The following DNER variants were observed in gnomAD, a reference collection of about 807,000 sequenced individuals.
DNER encodes the protein delta/notch like EGF repeat containing.
DNER carries 33 observed loss-of-function variants against 78.2 expected under a neutral mutation model. The observed-to-expected ratio is 0.42, with a 90% CI of 0.32 to 0.56. DNER has a LOEUF of 0.56. Among genes scored for constraint, DNER ranks in the 20% least tolerant of loss-of-function variants. DNER has a pLI of 0.11. For missense variants in DNER, 918 were observed against 975.3 expected (o/e 0.94, Z 0.78); for synonymous variants, 417 against 384.8 (o/e 1.08, Z -0.98).
At chr2:229,655,788 G>A (rs1345487489) in intron 1 of DNER, among the ~76,000 whole-genome samples, 1 of 152,016 alleles carries the variant, frequency 6.6e-6, no homozygotes, top group Non-Finnish European at 1.5e-5. Context: ...TAAATGCAAT[G>A]GCAAGTCCTA....
At chr2:229,705,945 G>C (rs1324897039) in intron 1 of DNER, among the ~76,000 whole-genome samples, 1 of 152,250 alleles carries the variant, frequency 6.6e-6, no homozygotes, top group East Asian at 1.9e-4. Flanking sequence ...CTCTAACTAT[G>C]GTGTCCAGAC....
At chr2:229,546,770 G>T (rs1384436423) in intron 5 of DNER, among the ~76,000 whole-genome samples, 177 bp downstream of exon 5, 1 of 150,460 alleles carries the variant, frequency 6.6e-6, no homozygotes, top group Non-Finnish European at 1.5e-5. Flanking sequence ...AACTTGGCTT[G>T]AGACAGACAG....
At chr2:229,431,493 A>G (rs1163296498) in intron 8 of DNER, among the ~76,000 whole-genome samples, 1 of 151,498 alleles carries the variant, frequency 6.6e-6, no homozygotes, top group African/African-American at 2.4e-5. Flanking sequence ...TCTCTTCACA[A>G]TGTTTTAGCT....
chr2:229,692,394 A>T (rs1699594069), intron 1 of DNER, among the ~76,000 whole-genome samples: 1 of 152,220 alleles, frequency 6.6e-6, no homozygotes, highest in Admixed American at 6.5e-5. Context: ...TGGTTTATTC[A>T]TACTCACTCA....
intron 1 of DNER, among the ~76,000 whole-genome samples, chr2:229,684,161 A>AGTGT (rs1559208329): frequency 4.4e-5 from 6 of 135,346 alleles, no homozygotes; most frequent in South Asian, 2.6e-4. Context: ...AGAGAGAGAG[A>AGTGT]GAGAGAGAGT....
At chr2:229,403,142 CAG>C (rs1693304276) in intron 10 of DNER, among the ~76,000 whole-genome samples, 1 of 152,188 alleles carries the variant, frequency 6.6e-6, no homozygotes, top group African/African-American at 2.4e-5. Context: ...CTCGGTCAAG[CAG>C]AGAGTTTTTG....
chr2:229,671,845 G>T (rs1215788809), intron 1 of DNER, among the ~76,000 whole-genome samples: 2 of 152,206 alleles, frequency 1.3e-5, no homozygotes. Context: ...TCATGGAGCT[G>T]TGAGAATTCA....
chr2:229,408,171 G>A (rs1011517666), intron 9 of DNER, among the ~76,000 whole-genome samples: 3 of 151,964 alleles, frequency 2.0e-5, no homozygotes, highest in African/African-American at 7.3e-5. Context: ...AAAAGACTGT[G>A]TGTGCATGTA....
At chr2:229,563,929 C>T (rs1236030753) in intron 4 of DNER, among the ~76,000 whole-genome samples, 30 of 147,084 alleles carry the variant, frequency 2.0e-4, no homozygotes, top group Non-Finnish European at 4.2e-4. Context: ...ACCCCATCAC[C>T]ATTATCATCA....
chr2:229,644,785 T>C (rs540205268), intron 1 of DNER, among the ~76,000 whole-genome samples: 1 of 152,256 alleles, frequency 6.6e-6, no homozygotes, highest in African/African-American at 2.4e-5. Flanking sequence ...TACAGAGATG[T>C]TTATGCTGAA....
At chr2:229,412,265 C>T (rs946273765) in intron 9 of DNER, among the ~76,000 whole-genome samples, 1 of 152,200 alleles carries the variant, frequency 6.6e-6, no homozygotes, top group Non-Finnish European at 1.5e-5. Context: ...ATGAATTTTG[C>T]TTTCTAACAA....
At chr2:229,646,951 A>G (rs968249178) in intron 1 of DNER, among the ~76,000 whole-genome samples, 1 of 152,204 alleles carries the variant, frequency 6.6e-6, no homozygotes, top group African/African-American at 2.4e-5. Flanking sequence ...GGTGGATCAC[A>G]AGGTCAAGAG....
In DNER at chr2:229,485,943, G is replaced by T. The variant is rs573769123; in HGVS notation, c.1148-8690C>A. The stretch of plus-strand genomic sequence containing the variant: ...ACGAGAGCTATTTTTAACGCTCCTG[G>T]TCTTTTAATAGTCTGGCCTGTGCAG... On this transcript the variant is annotated intron_variant, in intron 6 of 12. Transcript: ENST00000341772. Among the ~76,000 whole-genome samples the T allele has an allele frequency of 5.3e-5, 8 of 152,264 alleles. No individual in the cohort carries two copies. In the South Asian group the frequency reaches 6.2e-4, roughly 12 times the overall value.
At chr2:229,546,754 T>C (rs1367192235) in intron 5 of DNER, among the ~76,000 whole-genome samples, 193 bp downstream of exon 5, 2 of 152,028 alleles carry the variant, frequency 1.3e-5, no homozygotes, top group East Asian at 1.9e-4. Flanking sequence ...AAAGAATGTA[T>C]ATATCAACTT....
chr2:229,534,984 C>T (rs1287430084), intron 5 of DNER, among the ~76,000 whole-genome samples: 1 of 152,010 alleles, frequency 6.6e-6, no homozygotes, highest in East Asian at 1.9e-4. Context: ...TATAGGCACC[C>T]ACCACCATGC....
intron 7 of DNER, 47 bp downstream of exon 7, chr2:229,477,093 G>A: frequency 6.9e-7 from 1 of 1,449,866 alleles, no homozygotes; most frequent in Non-Finnish European, 9.6e-7. Flanking sequence ...ATTAGTTTAT[G>A]ATTTAAAATG....
chr2:229,363,984 G>GTT (rs1692278057), intron 12 of DNER, among the ~76,000 whole-genome samples: 4 of 111,512 alleles, frequency 3.6e-5, no homozygotes, highest in Non-Finnish European at 7.3e-5. Flanking sequence ...TCAATTCTCT[G>GTT]CTTTTTTTTT....
intron 11 of DNER, among the ~76,000 whole-genome samples, chr2:229,369,846 A>T (rs1692441344): frequency 6.6e-6 from 1 of 152,208 alleles, no homozygotes; most frequent in Non-Finnish European, 1.5e-5. Context: ...AGGTAAGACC[A>T]AACAGAAGCT....
chr2:229,474,839 T>C (rs564827023), intron 7 of DNER, among the ~76,000 whole-genome samples: 1 of 152,288 alleles, frequency 6.6e-6, no homozygotes, highest in East Asian at 1.9e-4. Context: ...TCCAAAGTTC[T>C]TCCAAATCCG....
Sources: gnomAD v4.1 joint callset for allele counts (sites outside exome capture counted in the v4.1 genomes callset) on GRCh38, gnomAD v4.1.1 for gene constraint, MANE v1.5 for transcripts, NCBI Gene and HGNC (gene_info 2026-07-23, HGNC 2026-07-21) for gene names.